Variants in NHSL2 observed in about 807,000 individuals in gnomAD.
The protein encoded by NHSL2 is NHS-like protein 2.
A neutral mutation model predicts 53.4 loss-of-function variants in NHSL2; 27 were observed. That is an observed-to-expected ratio of 0.51 (90% CI 0.37 to 0.70). NHSL2 has a LOEUF of 0.70. Ranked by LOEUF, NHSL2 falls within the 30% of genes least tolerant of loss-of-function variation. NHSL2 has a pLI of 0.00. For missense variants in NHSL2, 892 were observed against 980.1 expected, an observed-to-expected ratio of 0.91 and a Z score of 1.20; for synonymous variants, 408 against 404.1, an observed-to-expected ratio of 1.01 and a Z score of -0.12.
At chrX:72,105,700 G>A (rs2042032440) in intron 1 of NHSL2, among the ~76,000 whole-genome samples, 1 of 111,687 alleles carries the variant, frequency 9.0e-6, no homozygotes, top group African/African-American at 3.3e-5. Context: ...TTACAGGTCT[G>A]CTCACAAGGC....
chrX:72,082,677 G>A (rs1279370426), intron 1 of NHSL2, among the ~76,000 whole-genome samples: 1 of 112,407 alleles, frequency 8.9e-6, no homozygotes, highest in African/African-American at 3.2e-5. Context: ...TGGCTGACCT[G>A]GCACTGCCCT....
rs1349967075 is a variant in NHSL2 at position 72,088,664 on chromosome X, C to G, written c.281-43415C>G. Among the ~76,000 whole-genome samples, 5 of 111,880 alleles carry G rather than the reference C, an allele frequency of 4.5e-5. No homozygotes were observed. In the East Asian group the frequency reaches 1.4e-3, roughly 31 times the overall value. ...CTTATGAAGCCTACTTCAGTCCATA[C>G]TACACATCACCACCAGACTGACCAG... is the stretch of plus-strand genomic sequence containing the variant. On this transcript the variant is annotated intron_variant, in intron 1 of 7. Transcript: ENST00000633930.
Position 72,150,271 on chromosome X carries a change from T to C in NHSL2, c.*6697T>C, listed in dbSNP as rs1226553004. On this transcript the variant is annotated 3_prime_UTR_variant, in exon 8 of 8. Transcript: ENST00000633930. ...TATCATTTTTTAGAGGTAAACTTCC[T>C]ATGTAAGGGAACCTTCTGGTGACTT... The C allele has an allele frequency of 8.9e-6, 1 of 112,385 alleles. No individual in the cohort carries two copies. The highest frequency in any genetic ancestry group is 3.2e-5 in the African/African-American group (1 of 30,948). The allele number at this position is 112,385 out of a possible 1,213,427, so 9.3% of individuals were successfully genotyped here. A position where few individuals can be genotyped will look rare whatever the true frequency, so the allele number is the denominator to read the frequency against.
Position 72,145,739 on chromosome X carries a change from A to G in NHSL2, c.*2165A>G, listed in dbSNP as rs1174668736. On this transcript the variant is annotated 3_prime_UTR_variant, in exon 8 of 8. Coordinates refer to ENST00000633930, the MANE Select transcript of NHSL2 (RefSeq NM_001013627.3). ...AACGTTAAAGCTGAGTATGGGACTC[A>G]CATAGTATAGGCCTTGTTACTTCTG... 2.7e-5 allele frequency: 3 copies of G among 112,364 alleles called. No individual in the cohort carries two copies. The highest frequency in any genetic ancestry group is 5.6e-5 in the Non-Finnish European group (3 of 53,283). The allele number at this position is 112,364 out of a possible 1,213,427, so 9.3% of individuals were successfully genotyped here.
rs2041599284 is a variant in NHSL2 at position 71,911,168 on chromosome X, C to T, written c.81C>T (p.Asp27=). 7 of 1,131,424 alleles carry T rather than the reference C, an allele frequency of 6.2e-6. No homozygotes were observed. The highest frequency in any genetic ancestry group is 3.7e-5 in the African/African-American group (2 of 53,933). The allele number at this position is 1,131,424 out of a possible 1,213,427, so 93.2% of individuals were successfully genotyped here. The change falls in exon 1 of 8, where the codon GAC becomes GAT. Residue 27 remains aspartate, a synonymous_variant. Coordinates refer to ENST00000633930, the MANE Select transcript of NHSL2 (RefSeq NM_001013627.3). ...CGCAGCAGCTGGCGGAGCTCCGCGA[C>T]GTGAGCCACCTGGCAGCGCTCAGCC... ...NPPQQLAELR[D]VSHLAALSLL...
intron 1 of NHSL2, among the ~76,000 whole-genome samples, chrX:71,980,450 A>T (rs2041970571): frequency 9.0e-6 from 1 of 110,904 alleles, no homozygotes; most frequent in Non-Finnish European, 1.9e-5. Context: ...TTGGGCTCAC[A>T]TCTTGCCCAA....
intron 1 of NHSL2, chrX:72,131,395 T>C (rs778203422): frequency 2.5e-6 from 3 of 1,211,023 alleles, no homozygotes; most frequent in East Asian, 3.0e-5. Context: ...GCTGGAGACA[T>C]TGCCCCGCAA....
At chrX:72,098,751 A>G (rs2041966061) in intron 1 of NHSL2, among the ~76,000 whole-genome samples, 1 of 111,695 alleles carries the variant, frequency 9.0e-6, no homozygotes, top group South Asian at 3.6e-4. Context: ...TGTTATTTTT[A>G]AATATATGAA....
In NHSL2 at chrX:72,140,593, C is replaced by T. The variant is rs1372005851; in HGVS notation, c.3045C>T (p.Leu1015=). The T allele has an allele frequency of 3.3e-6, 4 of 1,210,237 alleles. No individual in the cohort carries two copies. In the African/African-American group the frequency reaches 7.0e-5, roughly 21 times the overall value. Residue 1015 remains leucine, a synonymous_variant, in exon 6 of 8, where the codon CTC becomes CTT. Transcript: ENST00000633930. ...AACCCAGCGTGCTGTACCTGCCTCTCACTTCTCCCACAGCTCAAATGGAGG... is the reference window on the plus strand; with the variant it reads ...AACCCAGCGTGCTGTACCTGCCTCTTACTTCTCCCACAGCTCAAATGGAGG... ...PKKPSVLYLP[L]TSPTAQMEAY... is the part of the protein sequence containing the mutation.
At chrX:72,052,013 G>A (rs745794486) in intron 1 of NHSL2, among the ~76,000 whole-genome samples, 8 of 112,352 alleles carry the variant, frequency 7.1e-5, no homozygotes, top group Non-Finnish European at 1.3e-4. Context: ...ATTTATCCCA[G>A]CAGCTTATAC....
Position 72,139,826 on chromosome X carries a change from C to G in NHSL2, c.2278C>G (p.Pro760Ala). 1 of 1,210,484 alleles carries G rather than the reference C, an allele frequency of 8.3e-7. No homozygotes were observed. The highest frequency in any genetic ancestry group is 1.1e-6 in the Non-Finnish European group (1 of 894,425). ...GAAGTCATCACTACCCCCGACGTCA[C>G]CAATGGAGAAATTTCCCAAGTCACG... ...ERKSSLPPTS[P>A]MEKFPKSRLS... Residue 760 changes from proline (P) to alanine (A), a missense_variant, in exon 6 of 8, where the codon CCA becomes GCA. Coordinates refer to ENST00000633930, the MANE Select transcript of NHSL2 (RefSeq NM_001013627.3).
intron 1 of NHSL2, among the ~76,000 whole-genome samples, chrX:72,086,454 C>T (rs776364869): frequency 9.0e-5 from 10 of 111,543 alleles, no homozygotes; most frequent in African/African-American, 2.9e-4. Context: ...GAGGCCAAGG[C>T]GGGCAGATCA....
Position 72,138,912 on chromosome X carries a change from C to G in NHSL2, c.1364C>G (p.Ala455Gly). 9 of 1,209,949 alleles carry G rather than the reference C, an allele frequency of 7.4e-6. No homozygotes were observed. The highest frequency in any genetic ancestry group is 8.9e-6 in the Non-Finnish European group (8 of 894,399). Reference protein sequence around the residue: ...RDNPAGCSGSAGYPERLIQQR... With the variant: ...RDNPAGCSGSGGYPERLIQQR... ...AACCCAGCAGGATGCAGTGGGTCAG[C>G]TGGCTACCCTGAGCGCCTTATTCAG... The change falls in exon 6 of 8, where the codon GCT (alanine) becomes GGT (glycine). Residue 455 changes from alanine (A) to glycine (G), a missense_variant. Ala to Gly is a moderately conservative substitution (Grantham distance 60). Transcript: ENST00000633930.
chrX:72,097,173 C>A (rs1260770996), intron 1 of NHSL2, among the ~76,000 whole-genome samples: 1 of 111,744 alleles, frequency 8.9e-6, no homozygotes, highest in Non-Finnish European at 1.9e-5. Flanking sequence ...AACCTTGGGC[C>A]CAGTAGTTTT....
At chrX:72,111,357 C>G (rs923403841) in intron 1 of NHSL2, among the ~76,000 whole-genome samples, 4 of 112,649 alleles carry the variant, frequency 3.6e-5, no homozygotes, top group African/African-American at 1.3e-4. Context: ...TAGTCCTCCA[C>G]TCTGCTGCAA....
At chrX:72,079,954 G>C in intron 1 of NHSL2, 1 of 112,951 alleles carries the variant, frequency 8.9e-6, no homozygotes, top group Non-Finnish European at 1.9e-5. Flanking sequence ...GGAGTGCAGC[G>C]GGGTGGAGAA....
At chrX:71,927,331 A>T (rs1233980296) in intron 1 of NHSL2, among the ~76,000 whole-genome samples, 1 of 111,937 alleles carries the variant, frequency 8.9e-6, no homozygotes, top group South Asian at 3.8e-4. Context: ...TGCCTTGAAG[A>T]TCAAAAGCAC....
intron 1 of NHSL2, among the ~76,000 whole-genome samples, chrX:72,102,772 C>A (rs982885004): frequency 1.2e-4 from 14 of 112,362 alleles, no homozygotes; most frequent in Non-Finnish European, 2.4e-4. Flanking sequence ...ACAGAAGAAG[C>A]CACTTATCTG....
At chrX:71,982,928 G>A (rs1353365174) in intron 1 of NHSL2, among the ~76,000 whole-genome samples, 2 of 112,562 alleles carry the variant, frequency 1.8e-5, no homozygotes, top group East Asian at 2.8e-4. Context: ...TTGTCCAGAA[G>A]TTCCAGAGGC....
Sources: gnomAD v4.1 joint callset for allele counts (sites outside exome capture counted in the v4.1 genomes callset) on GRCh38, gnomAD v4.1.1 for gene constraint, MANE v1.5 for transcripts, NCBI Gene and HGNC (gene_info 2026-07-23, HGNC 2026-07-21) for gene names.